ADCY10: variants seen among roughly 807,000 people sequenced by gnomAD.
The protein encoded by ADCY10 is adenylate cyclase type 10.
A neutral mutation model predicts 183.3 loss-of-function variants in ADCY10; 156 were observed. The observed-to-expected ratio is 0.85, with a 90% CI of 0.75 to 0.97. The LOEUF is 0.97. Among genes scored for constraint, ADCY10 ranks in the 50% least tolerant of loss-of-function variants. ADCY10 has a pLI of 0.00. For synonymous variants in ADCY10, 645 were observed against 670.0 expected (o/e 0.96, Z 0.58); for missense variants, 1,745 against 1,934.3 (o/e 0.90, Z 1.84).
At position 167,875,039 on chromosome 1, in the gene ADCY10, T is replaced by G; in HGVS notation, c.1462+92A>C. The G allele has an allele frequency of 2.9e-6, 3 of 1,045,246 alleles. No individual in the cohort carries two copies. In the South Asian group the frequency reaches 3.8e-5, roughly 13 times the overall value. The allele number at this position is 1,045,246 out of a possible 1,614,324, so 64.7% of individuals were successfully genotyped here. On this transcript the variant is annotated intron_variant, in intron 13 of 32. Transcript: ENST00000367851. ...TGATTATATTTTCATTTTGTGATAA[T>G]TCATTAAGCTGCACAGTTATCATTG...
chr1:167,816,676 T>C (rs574930778), intron 31 of ADCY10, among the ~76,000 whole-genome samples: 1 of 152,202 alleles, frequency 6.6e-6, no homozygotes, highest in Non-Finnish European at 1.5e-5. Context: ...CCATGACCTG[T>C]TGACAGGAAA....
At chr1:167,912,845 A>C (rs1213034108) in intron 1 of ADCY10, among the ~76,000 whole-genome samples, 1 of 152,208 alleles carries the variant, frequency 6.6e-6, no homozygotes, top group African/African-American at 2.4e-5. Flanking sequence ...AAACAGCGCT[A>C]TGAAGTAGAC....
intron 17 of ADCY10, 138 bp from the exon 18 acceptor site, chr1:167,854,627 A>G: frequency 7.3e-6 from 8 of 1,094,682 alleles, no homozygotes; most frequent in Non-Finnish European, 1.1e-5. Flanking sequence ...GTTTTGAGGC[A>G]TTGCTTTGTT....
intron 16 of ADCY10, 144 bp downstream of exon 16, chr1:167,859,663 A>T: frequency 1.3e-6 from 1 of 755,234 alleles, no homozygotes; most frequent in Non-Finnish European, 2.4e-6. Flanking sequence ...GGAAGGATGG[A>T]GGAGAATGAA....
chr1:167,882,501 A>G (rs1667937458), intron 9 of ADCY10, among the ~76,000 whole-genome samples: 1 of 151,776 alleles, frequency 6.6e-6, no homozygotes. Flanking sequence ...AAAAAAAAAA[A>G]AAAGAACAGA....
intron 8 of ADCY10, among the ~76,000 whole-genome samples, chr1:167,885,212 C>CA (rs547514928): frequency 3.6e-4 from 55 of 152,298 alleles, no homozygotes; most frequent in Non-Finnish European, 7.2e-4. Context: ...AAGCTGCTTC[C>CA]AAGTCTTGAC....
intron 32 of ADCY10, among the ~76,000 whole-genome samples, 194 bp downstream of exon 32, chr1:167,810,531 A>G (rs1009862437): frequency 6.6e-6 from 1 of 152,194 alleles, no homozygotes; most frequent in Non-Finnish European, 1.5e-5. Context: ...CTCACCAGAC[A>G]GCGAATCTCC....
intron 21 of ADCY10, among the ~76,000 whole-genome samples, chr1:167,844,293 C>A (rs1439765739): frequency 6.6e-6 from 1 of 152,176 alleles, no homozygotes; most frequent in Admixed American, 6.5e-5. Context: ...TCTTCATGGT[C>A]CAGATCCTAA....
chr1:167,888,642 C>A (rs1262500036), intron 8 of ADCY10, among the ~76,000 whole-genome samples: 1 of 151,898 alleles, frequency 6.6e-6, no homozygotes, highest in Admixed American at 6.6e-5. Flanking sequence ...TTTGGGAGGC[C>A]GAGGCGGGCG....
At chr1:167,882,409 C>A (rs1003735774) in intron 9 of ADCY10, among the ~76,000 whole-genome samples, 1 of 146,630 alleles carries the variant, frequency 6.8e-6, no homozygotes, top group East Asian at 2.0e-4. Flanking sequence ...CGCTTGAACC[C>A]GGGAGGCGGA....
At chr1:167,836,232 A>G in intron 23 of ADCY10, 77 bp downstream of exon 23, 2 of 952,770 alleles carry the variant, frequency 2.1e-6, no homozygotes, top group South Asian at 2.7e-5. Flanking sequence ...ATCAGAAAGC[A>G]TGCTGGAGCT....
Position 167,829,489 on chromosome 1 carries a change from A to G in ADCY10, c.3594-66T>C, listed in dbSNP as rs1312945855. ...CATCATTACCATGATTTAGGGGAGCACAGGTACATGGTGTCCTCACTATGG... is the reference window on the plus strand; with the variant it reads ...CATCATTACCATGATTTAGGGGAGCGCAGGTACATGGTGTCCTCACTATGG... On this transcript the variant is annotated intron_variant, in intron 25 of 32. Transcript: ENST00000367851. The G allele has an allele frequency of 6.3e-6, 10 of 1,592,234 alleles. No homozygotes were observed. In the African/African-American group the frequency reaches 1.2e-4, roughly 19 times the overall value.
chr1:167,866,405 G>A (rs1430682040), intron 14 of ADCY10, among the ~76,000 whole-genome samples: 1 of 151,784 alleles, frequency 6.6e-6, no homozygotes, highest in Non-Finnish European at 1.5e-5. Context: ...TAATAAAAAT[G>A]TAAATTAGAT....
At chr1:167,859,722 TG>T in intron 16 of ADCY10, 84 bp downstream of exon 16, 2 of 962,196 alleles carry the variant, frequency 2.1e-6, no homozygotes, top group Non-Finnish European at 3.4e-6. Context: ...CTTGCCAATG[TG>T]GTCTGAACTC....
intron 9 of ADCY10, among the ~76,000 whole-genome samples, chr1:167,881,786 T>C (rs180775002): frequency 6.6e-6 from 1 of 152,242 alleles, no homozygotes. Context: ...CTGGGAATCT[T>C]TGGAGCCATG....
rs765164194 is a variant in ADCY10, at chr1:167,845,846, A to C, written c.2724T>G (p.Gly908=). The part of the protein sequence containing the change: ...SLKPSEGMDH[G]EEEQLRELEN... ...CCAGTTCACGAAGCTGTTCCTCTTCACCGTGATCTGGAGAGAGCAAAAAGG... is the reference window on the plus strand; with the variant it reads ...CCAGTTCACGAAGCTGTTCCTCTTCCCCGTGATCTGGAGAGAGCAAAAAGG... The change falls in exon 21 of 33, where the codon GGT becomes GGG. Residue 908 remains glycine, a synonymous_variant. Coordinates refer to ENST00000367851, the MANE Select transcript of ADCY10 (RefSeq NM_018417.6). 5.6e-6 allele frequency: 9 copies of C among 1,613,968 alleles called. No homozygotes were observed. The African/African-American group carries it at 6.7e-5, about 12-fold the overall frequency.
At chr1:167,821,684 G>A (rs541323834) in intron 30 of ADCY10, among the ~76,000 whole-genome samples, 147 of 152,298 alleles carry the variant, frequency 9.7e-4, no homozygotes, top group South Asian at 3.9e-3. Flanking sequence ...GGCAGGTGCC[G>A]GGTGGGCAAG....
At position 167,834,107 on chromosome 1, in the gene ADCY10, T is replaced by C. The variant is rs373686275; in HGVS notation, c.3310-30A>G. The C allele has an allele frequency of 1.1e-4, 179 of 1,560,384 alleles. No individual in the cohort carries two copies. The African/African-American group carries it at 2.2e-3, about 19-fold the overall frequency. ...AACCAGCCCAAGGAGTAGAAAAGTG[T>C]TGATTCAGCAGGGATTGAGCCCACA... On this transcript the variant is annotated intron_variant, in intron 23 of 32. Coordinates refer to ENST00000367851, the MANE Select transcript of ADCY10 (RefSeq NM_018417.6).
chr1:167,837,211 T>A, intron 22 of ADCY10, 38 bp downstream of exon 22: 1 of 1,526,850 alleles, frequency 6.5e-7, no homozygotes. Flanking sequence ...TGACAATTAT[T>A]TATGCTCTAC....
Sources: allele counts gnomAD v4.1 joint callset (sites outside exome capture counted in the v4.1 genomes callset), GRCh38; gene constraint gnomAD v4.1.1; transcripts MANE v1.5; gene names NCBI Gene and HGNC (gene_info 2026-07-23, HGNC 2026-07-21).